Variants in JPH3 observed in about 807,000 individuals in gnomAD.
The protein encoded by JPH3 is junctophilin-3.
Under a neutral mutation model 59.6 loss-of-function variants are expected in JPH3, and 11 were observed. That is an observed-to-expected ratio of 0.18 (90% CI 0.12 to 0.31). JPH3 has a LOEUF of 0.31. JPH3 is among the 10% of genes least tolerant of loss of function. JPH3 has a pLI of 1.00. For synonymous variants in JPH3, 673 were observed against 483.6 expected (o/e 1.39, Z -5.14); for missense variants, 1,202 against 1,105.7 (o/e 1.09, Z -1.24).
At chr16:87,649,719 C>T (rs535210052) in intron 2 of JPH3, among the ~76,000 whole-genome samples, 2 of 152,288 alleles carry the variant, frequency 1.3e-5, no homozygotes, top group South Asian at 4.1e-4. Flanking sequence ...AGATTGTAGC[C>T]CGTTTCTCCT....
chr16:87,640,816 G>C (rs1462634071), intron 1 of JPH3, among the ~76,000 whole-genome samples: 2 of 152,236 alleles, frequency 1.3e-5, no homozygotes, highest in African/African-American at 4.8e-5. Context: ...CCTGTCCACA[G>C]CCCTGGCACG....
At chr16:87,613,830 A>G (rs2544628) in intron 1 of JPH3, among the ~76,000 whole-genome samples, 135,136 of 152,224 alleles carry the variant, frequency 0.89, 60,441 homozygotes, top group Admixed American at 0.94. Flanking sequence ...TATATCTTAC[A>G]TTCCTTAAGA....
At chr16:87,675,682 C>G (rs1001736190) in intron 2 of JPH3, among the ~76,000 whole-genome samples, 5 of 152,184 alleles carry the variant, frequency 3.3e-5, no homozygotes, top group African/African-American at 1.2e-4. Flanking sequence ...AGCAGAGTTT[C>G]TGTTAACTCA....
intron 2 of JPH3, among the ~76,000 whole-genome samples, chr16:87,664,690 G>A (rs1005273410): frequency 3.3e-5 from 5 of 152,204 alleles, no homozygotes; most frequent in African/African-American, 4.8e-5. Context: ...TGGAACAGGA[G>A]CTCCACGGTG....
At chr16:87,609,889 G>A (rs1340564856) in intron 1 of JPH3, among the ~76,000 whole-genome samples, 2 of 152,196 alleles carry the variant, frequency 1.3e-5, no homozygotes, top group African/African-American at 4.8e-5. Flanking sequence ...TCTATTTATT[G>A]TGTGCTTTAT....
intron 4 of JPH3, among the ~76,000 whole-genome samples, chr16:87,691,083 A>C (rs1322636863): frequency 8.2e-6 from 1 of 121,910 alleles, no homozygotes; most frequent in Non-Finnish European, 1.6e-5. Flanking sequence ...AGCCTCACCC[A>C]GCACCCCCCC....
chr16:87,672,289 C>G (rs570123101), intron 2 of JPH3, among the ~76,000 whole-genome samples: 18 of 152,302 alleles, frequency 1.2e-4, no homozygotes, highest in African/African-American at 4.3e-4. Context: ...GCAAGAGTCC[C>G]TCTCCATCCC....
chr16:87,604,320 G>GCTGCTA (rs1297977099), intron 1 of JPH3: 47 of 1,468,912 alleles, frequency 3.2e-5, no homozygotes, highest in Non-Finnish European at 4.3e-5. Context: ...TGCTGCTGCT[G>GCTGCTA]CTGCTGCTGT....
At chr16:87,654,498 T>G (rs928834264) in intron 2 of JPH3, 8 of 152,360 alleles carry the variant, frequency 5.3e-5, no homozygotes, top group East Asian at 1.9e-4. Context: ...GACCAGCCTG[T>G]GCCTGTGCGA....
At chr16:87,684,976 T>C (rs1489432453) in intron 3 of JPH3, among the ~76,000 whole-genome samples, 2 of 152,030 alleles carry the variant, frequency 1.3e-5, no homozygotes, top group Non-Finnish European at 2.9e-5. Context: ...CCCCAGAGAA[T>C]GGGGTTAGGA....
intron 2 of JPH3, among the ~76,000 whole-genome samples, chr16:87,666,397 T>G (rs12932266): frequency 0.17 from 25,610 of 150,970 alleles, 2,487 homozygotes; most frequent in Middle Eastern, 0.26. Flanking sequence ...CCTATTTTTT[T>G]TTTTTTCCCT....
chr16:87,652,355 C>G (rs181796856), intron 2 of JPH3, among the ~76,000 whole-genome samples: 1 of 152,368 alleles, frequency 6.6e-6, no homozygotes, highest in East Asian at 1.9e-4. Flanking sequence ...ATTGAAGGCT[C>G]AGATTATTGT....
At chr16:87,632,925 G>C (rs951984786) in intron 1 of JPH3, among the ~76,000 whole-genome samples, 5 of 152,120 alleles carry the variant, frequency 3.3e-5, no homozygotes, top group African/African-American at 1.2e-4. Context: ...TAGAGACAGG[G>C]TCTTGCTGTG....
rs141976595 is a variant in JPH3, at chr16:87,667,286, C to T, written c.1161-16856C>T. On this transcript the variant is annotated intron_variant, in intron 2 of 4. Transcript: ENST00000284262. ...CTCAAGAGCCGTACCTTGATCTCATCTGCAGAGATGCTTTTCCCGACGTGA... is the reference window on the plus strand; with the variant it reads ...CTCAAGAGCCGTACCTTGATCTCATTTGCAGAGATGCTTTTCCCGACGTGA... Among the ~76,000 whole-genome samples the T allele has an allele frequency of 7.8e-3, 1,189 of 152,358 alleles. 20 individuals carry two copies. The highest frequency in any genetic ancestry group is 0.043 in the South Asian group (206 of 4,830).
Position 87,645,109 on chromosome 16 carries a change from G to A in JPH3, c.1160+74G>A, listed in dbSNP as rs949308287. On this transcript the variant is annotated intron_variant, in intron 2 of 4. Coordinates refer to ENST00000284262, the MANE Select transcript of JPH3 (RefSeq NM_020655.4). ...TTGTGAGCCCAGTCTGTTCAGTCCT[G>A]CTGTCGCTCAAGGCCTTGGGCTAGG... is the stretch of plus-strand genomic sequence containing the variant. 1.5e-5 allele frequency: 22 copies of A among 1,463,142 alleles called. No individual in the cohort carries two copies. The African/African-American group carries it at 1.5e-4, about 10-fold the overall frequency. 90.6% of individuals were successfully genotyped at this position (1,463,142 alleles called of 1,614,324 possible).
At chr16:87,623,019 G>T (rs2031246112) in intron 1 of JPH3, among the ~76,000 whole-genome samples, 1 of 152,154 alleles carries the variant, frequency 6.6e-6, no homozygotes, top group Admixed American at 6.5e-5. Flanking sequence ...GAGGTCGGCT[G>T]TGGGCAGGGG....
intron 3 of JPH3, among the ~76,000 whole-genome samples, chr16:87,687,318 C>T (rs554922089): frequency 2.0e-4 from 30 of 152,292 alleles, no homozygotes; most frequent in Admixed American, 6.5e-5. Flanking sequence ...GTGGTGGAAT[C>T]AGGATTTAAA....
intron 4 of JPH3, chr16:87,693,539 G>C (rs1421662518): frequency 1.3e-5 from 2 of 152,270 alleles, no homozygotes; most frequent in African/African-American, 4.8e-5. Context: ...GCCGGGCATG[G>C]TGGCACACGC....
intron 1 of JPH3, among the ~76,000 whole-genome samples, chr16:87,629,718 G>C (rs980848955): frequency 1.3e-5 from 2 of 152,096 alleles, no homozygotes; most frequent in African/African-American, 4.8e-5. Context: ...GAGCCCGGGG[G>C]ATTTGTAGGG....
Sources: allele counts gnomAD v4.1 joint callset (sites outside exome capture counted in the v4.1 genomes callset), GRCh38; gene constraint gnomAD v4.1.1; transcripts MANE v1.5; gene names NCBI Gene and HGNC (gene_info 2026-07-23, HGNC 2026-07-21).